The following CHP2 variants were observed in gnomAD, a reference collection of about 807,000 sequenced individuals.
CHP2 encodes the protein calcineurin B homologous protein 2.
CHP2 carries 31 observed loss-of-function variants against 24.7 expected under a neutral mutation model. The ratio of observed to expected loss-of-function variants is 1.26; its 90% CI spans 0.94 to 1.69. The LOEUF is 1.69. CHP2 is among the 40% of genes most tolerant of loss of function. CHP2 has a pLI of 0.00. For synonymous variants in CHP2, 97 were observed against 99.1 expected, an observed-to-expected ratio of 0.98 and a Z score of 0.13; for missense variants, 319 against 261.5, an observed-to-expected ratio of 1.22 and a Z score of -1.52.
intron 6 of CHP2, 73 bp from the exon 7 acceptor site, chr16:23,757,457 C>T (rs1961241681): frequency 1.3e-6 from 2 of 1,585,850 alleles, no homozygotes; most frequent in Admixed American, 3.3e-5. Context: ...ATGGGTAGAA[C>T]CCTGGGGGAG....
In CHP2 at chr16:23,757,831, G is replaced by A. The variant is rs148190622; in HGVS notation, c.*248G>A. 1,338 of 553,162 alleles carry A rather than the reference G, an allele frequency of 2.4e-3. 16 individuals carry two copies. Among genetic ancestry groups the A allele is most frequent in the African/African-American group, 0.023 (1,207 of 53,076 alleles). 34.3% of individuals were successfully genotyped at this position (553,162 alleles called of 1,614,324 possible). A position where few individuals can be genotyped will look rare whatever the true frequency, so the allele number is the denominator to read the frequency against. On this transcript the variant is annotated 3_prime_UTR_variant, in exon 7 of 7. Transcript: ENST00000300113. ...GGGATGGTTTTGGGATGATTCAAGT[G>A]CATTACATTTATTGTGCACTTTATT... is the stretch of plus-strand genomic sequence containing the variant.
chr16:23,757,764 C>A lies in CHP2; in HGVS notation c.*181C>A. On this transcript the variant is annotated 3_prime_UTR_variant, in exon 7 of 7. Coordinates refer to ENST00000300113, the MANE Select transcript of CHP2 (RefSeq NM_022097.4). The stretch of plus-strand genomic sequence containing the variant: ...AAAGTCTAGCTCAGCAGTCCCCAAC[C>A]TTTTTGGCATCAGGGACAGTTTTTC... 3.1e-6 allele frequency: 2 copies of A among 643,610 alleles called. No homozygotes were observed. The highest frequency in any genetic ancestry group is 1.8e-5 in the South Asian group (1 of 55,222). The allele number at this position is 643,610 out of a possible 1,614,324, so 39.9% of individuals were successfully genotyped here. A position where few individuals can be genotyped will look rare whatever the true frequency, so the allele number is the denominator to read the frequency against.
At position 23,756,414 on chromosome 16, in the gene CHP2, C is replaced by G. The variant is rs769222851; in HGVS notation, c.379C>G (p.Arg127Gly). The change falls in exon 5 of 7, where the codon CGC becomes GGC. Residue 127 changes from arginine (R) to glycine (G), a missense_variant. Physicochemically the swap from Arg to Gly is moderately radical, Grantham distance 125. Transcript: ENST00000300113. Reference sequence around the variant, plus strand: ...TGCATTTCAGCTCTATGACCTGGATCGCGATGGGAAGATCTCCAGGCATGA... The same window carrying G: ...TGCATTTCAGCTCTATGACCTGGATGGCGATGGGAAGATCTCCAGGCATGA... ...HYAFQLYDLD[R>G]DGKISRHEML... is the part of the protein sequence containing the mutation. The G allele has an allele frequency of 6.2e-6, 10 of 1,613,748 alleles. No homozygotes were observed. Among genetic ancestry groups the G allele is most frequent in the South Asian group, 1.1e-5 (1 of 91,068 alleles).
rs1252212073 is a variant in CHP2, at chr16:23,756,436, A to C, written c.401A>C (p.His134Pro). ...DLDRDGKISR[H>P]EMLQVLRLMV... ...GATCGCGATGGGAAGATCTCCAGGC[A>C]TGAGATGCTGCAGGTTGGCAGAAAG... Residue 134 changes from histidine to proline, a missense_variant, in exon 5 of 7, where the codon CAT becomes CCT. Transcript: ENST00000300113. 1 of 1,613,622 alleles carries C rather than the reference A, an allele frequency of 6.2e-7. No homozygotes were observed. Among genetic ancestry groups the C allele is most frequent in the South Asian group, 1.1e-5 (1 of 91,058 alleles).
Position 23,755,657 on chromosome 16 carries a change from G to A in CHP2, c.68-4G>A, listed in dbSNP as rs189418845. 2 of 1,613,510 alleles carry A rather than the reference G, an allele frequency of 1.2e-6. No homozygotes were observed. Among genetic ancestry groups the A allele is most frequent in the Admixed American group, 3.3e-5 (2 of 60,002 alleles). On this transcript the variant is annotated splice_region_variant and splice_polypyrimidine_tract_variant and intron_variant, in intron 1 of 6. Coordinates refer to ENST00000300113, the MANE Select transcript of CHP2 (RefSeq NM_022097.4). The stretch of plus-strand genomic sequence containing the variant: ...ACACCCCCACCCCACTCTCCTTCCC[G>A]CAGTCTCCCAAGCCAGCCTGCTCCG...
rs947570391 is a variant in CHP2, at chr16:23,757,848, C to T, written c.*265C>T. ...ATTCAAGTGCATTACATTTATTGTG[C>T]ACTTTATTTCTATTATGATTACATT... On this transcript the variant is annotated 3_prime_UTR_variant, in exon 7 of 7. Coordinates refer to ENST00000300113, the MANE Select transcript of CHP2 (RefSeq NM_022097.4). 7 of 503,024 alleles carry T rather than the reference C, an allele frequency of 1.4e-5. No homozygotes were observed. Among genetic ancestry groups the T allele is most frequent in the South Asian group, 4.5e-5 (2 of 44,702 alleles). The allele number at this position is 503,024 out of a possible 1,614,324, so 31.2% of individuals were successfully genotyped here.
rs1194799341 is a variant in CHP2 at position 23,758,188 on chromosome 16, C to T, written c.*605C>T. 1.2e-5 allele frequency: 2 copies of T among 160,380 alleles called. No individual in the cohort carries two copies. Among genetic ancestry groups the T allele is most frequent in the South Asian group, 1.8e-4 (1 of 5,644 alleles). 9.9% of individuals were successfully genotyped at this position (160,380 alleles called of 1,614,324 possible). A position where few individuals can be genotyped will look rare whatever the true frequency, so the allele number is the denominator to read the frequency against. ...CAGCTCGCCTGCCGCTCACCTTGTG[C>T]TGTGCAGCCCGGTTCCTAACAGACC... On this transcript the variant is annotated 3_prime_UTR_variant, in exon 7 of 7. Transcript: ENST00000300113.
intron 1 of CHP2, chr16:23,755,446 G>C (rs533149100): frequency 1.7e-6 from 1 of 603,130 alleles, no homozygotes; most frequent in South Asian, 2.0e-5. Context: ...TTTGGTTTTC[G>C]GGAGGTTGCG....
In CHP2 at chr16:23,757,645, C is replaced by T. The variant is rs144857717; in HGVS notation, c.*62C>T. 1.8e-4 allele frequency: 252 copies of T among 1,402,780 alleles called. 1 individual carries two copies. In the African/African-American group the frequency reaches 3.1e-3, roughly 17 times the overall value. 86.9% of individuals were successfully genotyped at this position (1,402,780 alleles called of 1,614,324 possible). A position where few individuals can be genotyped will look rare whatever the true frequency, so the allele number is the denominator to read the frequency against. ...ATCTCCTTGGAATTCATCCAAAGCC[C>T]CCATGGACGCATGGACGCAGGGCGA... On this transcript the variant is annotated 3_prime_UTR_variant, in exon 7 of 7. Coordinates refer to ENST00000300113, the MANE Select transcript of CHP2 (RefSeq NM_022097.4).
chr16:23,757,845 G>A lies in CHP2; in HGVS notation c.*262G>A, dbSNP rs1390314555. On this transcript the variant is annotated 3_prime_UTR_variant, in exon 7 of 7. Coordinates refer to ENST00000300113, the MANE Select transcript of CHP2 (RefSeq NM_022097.4). ...ATGATTCAAGTGCATTACATTTATT[G>A]TGCACTTTATTTCTATTATGATTAC... 3 of 516,276 alleles carry A rather than the reference G, an allele frequency of 5.8e-6. No homozygotes were observed. Among genetic ancestry groups the A allele is most frequent in the Admixed American group, 6.1e-5 (2 of 32,790 alleles). 32.0% of individuals were successfully genotyped at this position (516,276 alleles called of 1,614,324 possible).
intron 1 of CHP2, 98 bp from the exon 2 acceptor site, chr16:23,755,563 C>T (rs1251606168): frequency 3.9e-6 from 4 of 1,037,654 alleles, no homozygotes; most frequent in Non-Finnish European, 1.5e-6. Flanking sequence ...TTCCAGCCAG[C>T]CCCCGCTGTT....
chr16:23,757,921 G>T lies in CHP2; in HGVS notation c.*338G>T. On this transcript the variant is annotated 3_prime_UTR_variant, in exon 7 of 7. Transcript: ENST00000300113. ...TACAACTCACCATAATGTAGAATCA[G>T]CAGGAGCCCTGAGCTTGTTTTCCTG... 1 of 379,052 alleles carries T rather than the reference G, an allele frequency of 2.6e-6. No homozygotes were observed. 23.5% of individuals were successfully genotyped at this position (379,052 alleles called of 1,614,324 possible).
At chr16:23,757,447 A>G in intron 6 of CHP2, 83 bp from the exon 7 acceptor site, 1 of 1,579,440 alleles carries the variant, frequency 6.3e-7, no homozygotes, top group Non-Finnish European at 8.7e-7. Context: ...GGTCTCTGGA[A>G]TGGGTAGAAC....
In CHP2 at chr16:23,757,255, G is replaced by A. The variant is rs760540391; in HGVS notation, c.469G>A (p.Ala157Thr). 8.1e-6 allele frequency: 13 copies of A among 1,614,024 alleles called. No homozygotes were observed. Among genetic ancestry groups the A allele is most frequent in the South Asian group, 1.1e-5 (1 of 91,072 alleles). ...QVTEEQLENI[A>T]DRTVQEADED... ...GACAGAAGAGCAGCTGGAGAACATC[G>A]CTGACCGCACGGTGCAGGAGGCTGA... The change falls in exon 6 of 7, where the codon GCT becomes ACT. Residue 157 changes from alanine (A) to threonine (T), a missense_variant. Coordinates refer to ENST00000300113, the MANE Select transcript of CHP2 (RefSeq NM_022097.4).
At position 23,757,616 on chromosome 16, in the gene CHP2, C is replaced by A; in HGVS notation, c.*33C>A. ...TGTGCCTTGGGCTTGCTCCTGCAAC[C>A]AGTATCTCCTTGGAATTCATCCAAA... is the stretch of plus-strand genomic sequence containing the variant. On this transcript the variant is annotated 3_prime_UTR_variant, in exon 7 of 7. Coordinates refer to ENST00000300113, the MANE Select transcript of CHP2 (RefSeq NM_022097.4). 1.3e-6 allele frequency: 2 copies of A among 1,592,772 alleles called. No homozygotes were observed. The highest frequency in any genetic ancestry group is 2.2e-5 in the South Asian group (2 of 90,614).
At chr16:23,755,185 G>C (rs1263864147) in intron 1 of CHP2, 69 bp downstream of exon 1, 1 of 1,222,516 alleles carries the variant, frequency 8.2e-7, no homozygotes, top group Non-Finnish European at 1.2e-6. Flanking sequence ...CTAGGGAAGG[G>C]GTTGGGTTGA....
intron 5 of CHP2, 37 bp downstream of exon 5, chr16:23,756,486 A>G (rs774333830): frequency 1.3e-6 from 2 of 1,561,748 alleles, no homozygotes; most frequent in Non-Finnish European, 8.8e-7. Context: ...GTGATGTGTG[A>G]AGGATGGGAT....
intron 1 of CHP2, chr16:23,755,450 G>A: frequency 1.6e-6 from 1 of 606,822 alleles, no homozygotes. Flanking sequence ...GTTTTCGGGA[G>A]GTTGCGAGCC....
rs946565899 is a variant in CHP2, at chr16:23,756,468, C to T, written c.414+19C>T. ...GCTGCAGGTTGGCAGAAAGCGAGAG[C>T]AAGAGATGTGATGTGTGAAGGATGG... On this transcript the variant is annotated intron_variant, in intron 5 of 6. Coordinates refer to ENST00000300113, the MANE Select transcript of CHP2 (RefSeq NM_022097.4). 1.2e-6 allele frequency: 2 copies of T among 1,604,448 alleles called. No individual in the cohort carries two copies. Among genetic ancestry groups the T allele is most frequent in the Admixed American group, 3.3e-5 (2 of 59,978 alleles).
Sources: gnomAD v4.1 joint callset for allele counts on GRCh38, gnomAD v4.1.1 for gene constraint, MANE v1.5 for transcripts, NCBI Gene and HGNC (gene_info 2026-07-23, HGNC 2026-07-21) for gene names.